Variants in CCDC82 observed in about 807,000 individuals in gnomAD.
CCDC82 encodes the protein coiled-coil domain-containing protein 82.
Under a neutral mutation model 60.6 loss-of-function variants are expected in CCDC82, and 47 were observed. The observed-to-expected ratio is 0.77, with a 90% CI of 0.61 to 0.99. The LOEUF is 0.99. Ranked by LOEUF, CCDC82 falls within the 50% of genes least tolerant of loss-of-function variation. CCDC82 has a pLI of 0.00. For missense variants in CCDC82, 588 were observed against 633.0 expected, an observed-to-expected ratio of 0.93 and a Z score of 0.76; for synonymous variants, 212 against 207.4, an observed-to-expected ratio of 1.02 and a Z score of -0.19.
chr11:96,370,995 CA>C lies in CCDC82; in HGVS notation c.1209+17del. ...TGCCCCCAACCCCCAAGCAGAGATT[CA>C]AAAACAAACTGTGTACCTTATATTG... On this transcript the variant is annotated intron_variant, in intron 7 of 9. Coordinates refer to ENST00000646818, the MANE Select transcript of CCDC82 (RefSeq NM_024725.4). The C allele has an allele frequency of 6.7e-7, 1 of 1,499,988 alleles. No individual in the cohort carries two copies. Among genetic ancestry groups the C allele is most frequent in the South Asian group, 1.4e-5 (1 of 69,492 alleles). 92.9% of individuals were successfully genotyped at this position (1,499,988 alleles called of 1,614,324 possible).
intron 5 of CCDC82, among the ~76,000 whole-genome samples, chr11:96,378,004 C>A (rs928599649): frequency 6.6e-6 from 1 of 151,994 alleles, no homozygotes; most frequent in East Asian, 1.9e-4. Context: ...ATACAATTTT[C>A]TTCCTTTACA....
chr11:96,369,506 A>T (rs1298889974), intron 7 of CCDC82, among the ~76,000 whole-genome samples: 2 of 152,182 alleles, frequency 1.3e-5, no homozygotes, highest in Non-Finnish European at 2.9e-5. Context: ...AGGAATAAGG[A>T]TGCCTGAGGA....
chr11:96,356,334 A>G (rs1864347617), intron 9 of CCDC82: 1 of 599,606 alleles, frequency 1.7e-6, no homozygotes, highest in African/African-American at 2.0e-5. Context: ...TCTAATTATA[A>G]TTTTAAATTA....
At chr11:96,383,873 T>C in intron 4 of CCDC82, 89 bp downstream of exon 4, 1 of 1,138,758 alleles carries the variant, frequency 8.8e-7, no homozygotes, top group South Asian at 1.6e-5. Context: ...TATTGAGAAA[T>C]GGAACGGACT....
In CCDC82 at chr11:96,371,052, C is replaced by G. The variant is rs1865235185; in HGVS notation, c.1170G>C (p.Glu390Asp). ...TCCAACGACTTCTAGATACCAAGCTCTCTAGACGAGGCTGAACAAAGCGGT... is the reference window on the plus strand; with the variant it reads ...TCCAACGACTTCTAGATACCAAGCTGTCTAGACGAGGCTGAACAAAGCGGT... ...LDNRFVQPRL[E>D]SLVSRSRWKE... is the part of the protein sequence containing the mutation. The change falls in exon 7 of 10, where the codon GAG becomes GAC. Residue 390 changes from glutamate to aspartate, a missense_variant. Coordinates refer to ENST00000646818, the MANE Select transcript of CCDC82 (RefSeq NM_024725.4). The G allele has an allele frequency of 6.2e-7, 1 of 1,604,290 alleles. No homozygotes were observed. The highest frequency in any genetic ancestry group is 1.7e-5 in the Admixed American group (1 of 58,750).
intron 5 of CCDC82, 123 bp downstream of exon 5, chr11:96,383,146 A>G (rs1158442021): frequency 9.0e-6 from 6 of 668,182 alleles, no homozygotes; most frequent in Middle Eastern, 8.1e-4. Context: ...TGACAAGGTT[A>G]TCTGAAAATG....
chr11:96,378,355 A>C (rs1290380621), intron 5 of CCDC82, among the ~76,000 whole-genome samples: 1 of 152,026 alleles, frequency 6.6e-6, no homozygotes, highest in Non-Finnish European at 1.5e-5. Context: ...TTAATGAAAC[A>C]CTTTTCACAG....
At chr11:96,388,768 T>C (rs375791531) in intron 1 of CCDC82, 1 of 152,266 alleles carries the variant, frequency 6.6e-6, no homozygotes, top group East Asian at 1.9e-4. Context: ...AGGTCATTAT[T>C]TGAAATTCTA....
Position 96,353,490 on chromosome 11 carries a change from C to T in CCDC82, c.*156G>A. On this transcript the variant is annotated 3_prime_UTR_variant, in exon 10 of 10. Coordinates refer to ENST00000646818, the MANE Select transcript of CCDC82 (RefSeq NM_024725.4). Reference sequence around the variant, plus strand: ...AAAAGTTTAATTAGAGTGTAGAGTGCCACTTCACAGGAATTAAGATAATCA... The same window carrying T: ...AAAAGTTTAATTAGAGTGTAGAGTGTCACTTCACAGGAATTAAGATAATCA... 8.2e-6 allele frequency: 5 copies of T among 608,426 alleles called. No individual in the cohort carries two copies. Among genetic ancestry groups the T allele is most frequent in the African/African-American group, 1.9e-5 (1 of 53,468 alleles). 37.7% of individuals were successfully genotyped at this position (608,426 alleles called of 1,614,324 possible). A position where few individuals can be genotyped will look rare whatever the true frequency, so the allele number is the denominator to read the frequency against.
chr11:96,363,419 C>G (rs537205852), intron 8 of CCDC82: 1 of 152,306 alleles, frequency 6.6e-6, no homozygotes, highest in South Asian at 2.1e-4. Flanking sequence ...AACAATTTCT[C>G]TTTAAAAAAT....
At chr11:96,357,252 T>C (rs1864394260) in intron 9 of CCDC82, 4 of 985,284 alleles carry the variant, frequency 4.1e-6, no homozygotes, top group African/African-American at 1.7e-5. Context: ...AGGAAATCTT[T>C]TGAGAAAACC....
At chr11:96,356,454 T>C (rs1864353875) in intron 9 of CCDC82, 4 of 985,310 alleles carry the variant, frequency 4.1e-6, no homozygotes, top group East Asian at 1.1e-4. Context: ...GATACTTCTA[T>C]TGACATGCTT....
intron 7 of CCDC82, among the ~76,000 whole-genome samples, chr11:96,369,244 A>G (rs887724246): frequency 3.9e-5 from 6 of 152,174 alleles, no homozygotes; most frequent in African/African-American, 1.4e-4. Context: ...GGCTGTTTCA[A>G]TCATTTATGT....
At position 96,353,653 on chromosome 11, in the gene CCDC82, T is replaced by C; in HGVS notation, c.1628A>G (p.Glu543Gly). The C allele has an allele frequency of 6.2e-7, 1 of 1,607,934 alleles. No individual in the cohort carries two copies. ...FADYFQEEKF[E>G]L ...TTCTCTGATGGAAATGTGTTACAAC[T>C]CAAACTTCTCTTCTTGAAAGTAATC... Residue 543 changes from glutamate (E) to glycine (G), a missense_variant, in exon 10 of 10, where the codon GAG becomes GGG. Physicochemically the swap from Glu to Gly is moderately conservative, Grantham distance 98. Transcript: ENST00000646818.
intron 6 of CCDC82, among the ~76,000 whole-genome samples, chr11:96,372,873 T>C (rs1274709874): frequency 6.6e-6 from 1 of 151,714 alleles, no homozygotes; most frequent in Non-Finnish European, 1.5e-5. Flanking sequence ...ATACTCAGAA[T>C]GATGGCGGCA....
intron 9 of CCDC82, chr11:96,358,233 TTCTC>T (rs1864447284): frequency 9.6e-6 from 10 of 1,038,472 alleles, no homozygotes; most frequent in Non-Finnish European, 1.0e-5. Context: ...CTACTATTTG[TTCTC>T]TCTTATACAT....
chr11:96,371,108 C>G lies in CCDC82; in HGVS notation c.1114G>C (p.Asp372His). The G allele has an allele frequency of 1.9e-6, 3 of 1,598,616 alleles. No homozygotes were observed. The highest frequency in any genetic ancestry group is 2.6e-6 in the Non-Finnish European group (3 of 1,173,024). The change falls in exon 7 of 10, where the codon GAT (aspartate) becomes CAT (histidine). Residue 372 changes from aspartate (D) to histidine (H), a missense_variant. By Grantham distance (81) the Asp-to-His change is moderately conservative. Transcript: ENST00000646818. Reference protein sequence around the residue: ...DGTRQKSYAKDMLTSLHYLDN... With the variant: ...DGTRQKSYAKHMLTSLHYLDN... ...AAATAATGAAGAGATGTTAGCATATCTTTTGCATATGATTTTTGCCTTGTG... is the reference window on the plus strand; with the variant it reads ...AAATAATGAAGAGATGTTAGCATATGTTTTGCATATGATTTTTGCCTTGTG...
chr11:96,358,081 C>G (rs1234579625), intron 9 of CCDC82: 3 of 985,386 alleles, frequency 3.0e-6, no homozygotes, highest in Non-Finnish European at 3.6e-6. Flanking sequence ...TGTTTTCTTT[C>G]CATCTGCCTA....
chr11:96,365,724 AACTGAGAAAAC>A (rs1174109362), intron 7 of CCDC82, among the ~76,000 whole-genome samples: 4 of 152,222 alleles, frequency 2.6e-5, no homozygotes, highest in Non-Finnish European at 5.9e-5. Flanking sequence ...TGAGTAAACA[AACTGAGAAAAC>A]ACTTGGCATT....
Sources: allele counts gnomAD v4.1 joint callset (sites outside exome capture counted in the v4.1 genomes callset), GRCh38; gene constraint gnomAD v4.1.1; transcripts MANE v1.5; gene names NCBI Gene and HGNC (gene_info 2026-07-23, HGNC 2026-07-21).